The following NXPE2 variants were observed in gnomAD, a reference collection of about 807,000 sequenced individuals.
NXPE2 encodes the protein NXPE family member 2.
Under a neutral mutation model 34.4 loss-of-function variants are expected in NXPE2, and 34 were observed. The ratio of observed to expected loss-of-function variants is 0.99; its 90% confidence interval spans 0.75 to 1.31. NXPE2 has a LOEUF of 1.31. Among genes scored for constraint, NXPE2 ranks in the 40% most tolerant of loss-of-function variants. The pLI is 0.00. For synonymous variants in NXPE2, 235 were observed against 231.3 expected (o/e 1.02, Z -0.15); for missense variants, 649 against 672.5 (o/e 0.97, Z 0.39).
the NXPE2 span, among the ~76,000 whole-genome samples, chr11:114,574,098 G>C: frequency 6.6e-6 from 1 of 152,040 alleles, no homozygotes; most frequent in Non-Finnish European, 1.5e-5. Flanking sequence ...TAAATAACCT[G>C]CTCTTGAATG....
chr11:114,740,086 A>G, the NXPE2 span, among the ~76,000 whole-genome samples: 1 of 152,206 alleles, frequency 6.6e-6, no homozygotes, highest in African/African-American at 2.4e-5. Context: ...ATAAAGTTTA[A>G]TATATAAATT....
the NXPE2 span, chr11:114,571,496 A>C: frequency 6.4e-7 from 1 of 1,561,740 alleles, no homozygotes; most frequent in Non-Finnish European, 8.7e-7. Flanking sequence ...AGGCAATCCC[A>C]AAATAAAAGG....
chr11:114,566,815 G>A, the NXPE2 span, among the ~76,000 whole-genome samples: 11 of 152,056 alleles, frequency 7.2e-5, no homozygotes, highest in South Asian at 4.1e-4. Context: ...TTTTTAAGAT[G>A]CAAACTATTA....
the NXPE2 span, among the ~76,000 whole-genome samples, chr11:114,797,412 C>T: frequency 1.3e-5 from 2 of 152,152 alleles, no homozygotes; most frequent in African/African-American, 4.8e-5. Context: ...GGGCCCACAG[C>T]CCAGCAGAAC....
the NXPE2 span, among the ~76,000 whole-genome samples, chr11:114,800,354 G>A: frequency 6.6e-6 from 1 of 152,208 alleles, no homozygotes; most frequent in Non-Finnish European, 1.5e-5. Flanking sequence ...TGAGATGCTT[G>A]AGCAGATATT....
At chr11:114,638,568 GCT>G in the NXPE2 span, among the ~76,000 whole-genome samples, 2 of 151,830 alleles carry the variant, frequency 1.3e-5, no homozygotes, top group Non-Finnish European at 2.9e-5. Context: ...CCGTTTTTCT[GCT>G]CTGTTTTTTC....
At chr11:114,724,372 G>A in the NXPE2 span, among the ~76,000 whole-genome samples, 1 of 152,046 alleles carries the variant, frequency 6.6e-6, no homozygotes. Context: ...AAAGCCATGG[G>A]GCTGCAACAT....
At chr11:114,612,261 C>A in the NXPE2 span, among the ~76,000 whole-genome samples, 2 of 151,878 alleles carry the variant, frequency 1.3e-5, no homozygotes, top group Non-Finnish European at 2.9e-5. Flanking sequence ...ATAAGTGTTG[C>A]CTCTTCAGTA....
chr11:114,634,745 C>G, the NXPE2 span, among the ~76,000 whole-genome samples: 233 of 152,002 alleles, frequency 1.5e-3, 2 homozygotes, highest in Middle Eastern at 0.034. Context: ...GCTTGTTTTT[C>G]TCAGGTTTCT....
At chr11:114,523,518 C>T in the NXPE2 span, among the ~76,000 whole-genome samples, 3 of 152,018 alleles carry the variant, frequency 2.0e-5, no homozygotes, top group African/African-American at 2.4e-5. Context: ...TTTCCGTGTT[C>T]AAAAAATGGC....
chr11:114,636,561 T>C, the NXPE2 span, among the ~76,000 whole-genome samples: 1 of 151,748 alleles, frequency 6.6e-6, no homozygotes, highest in South Asian at 2.1e-4. Flanking sequence ...TGTTAGGGTG[T>C]CAATTTTGGA....
At chr11:114,693,013 T>C (rs1331798240) in intron 2 of NXPE2, among the ~76,000 whole-genome samples, 2 of 152,202 alleles carry the variant, frequency 1.3e-5, no homozygotes, top group African/African-American at 2.4e-5. Context: ...AATCTACAAT[T>C]ATCTCAAAAT....
the NXPE2 span, among the ~76,000 whole-genome samples, chr11:114,647,192 T>C: frequency 6.6e-6 from 1 of 152,252 alleles, no homozygotes; most frequent in Non-Finnish European, 1.5e-5. Flanking sequence ...ATCACTGCTA[T>C]ATTATTCACC....
chr11:114,570,870 C>T, the NXPE2 span: 1 of 1,119,786 alleles, frequency 8.9e-7, no homozygotes, highest in East Asian at 2.6e-5. Flanking sequence ...AACACAGCAT[C>T]TGGCCTGCTA....
chr11:114,661,020 G>A, the NXPE2 span, among the ~76,000 whole-genome samples: 2 of 151,944 alleles, frequency 1.3e-5, no homozygotes, highest in Non-Finnish European at 2.9e-5. Context: ...AGAATGGCAC[G>A]GAAAACATGA....
the NXPE2 span, among the ~76,000 whole-genome samples, chr11:114,511,909 G>A: frequency 3.3e-5 from 5 of 152,144 alleles, no homozygotes; most frequent in African/African-American, 1.2e-4. Context: ...AGAAGCAGAT[G>A]CTGGTGCCAT....
the NXPE2 span, among the ~76,000 whole-genome samples, chr11:114,599,222 A>G: frequency 6.6e-6 from 1 of 152,254 alleles, no homozygotes; most frequent in Non-Finnish European, 1.5e-5. Context: ...AGTGCCTCCA[A>G]GTTCTTCACT....
chr11:114,567,118 C>T, the NXPE2 span, among the ~76,000 whole-genome samples: 1 of 152,270 alleles, frequency 6.6e-6, no homozygotes, highest in Non-Finnish European at 1.5e-5. Flanking sequence ...AGGGCTCTTC[C>T]CCAGCCATGT....
At chr11:114,550,962 A>C in the NXPE2 span, 3 of 582,174 alleles carry the variant, frequency 5.2e-6, no homozygotes, top group Non-Finnish European at 6.1e-6. Flanking sequence ...GCCTCTAAGG[A>C]GTTAGGTAGA....
Sources: gnomAD v4.1 joint callset for allele counts (sites outside exome capture counted in the v4.1 genomes callset) on GRCh38, gnomAD v4.1.1 for gene constraint, MANE v1.5 for transcripts, NCBI Gene and HGNC (gene_info 2026-07-23, HGNC 2026-07-21) for gene names.